PDLIM5: variants seen among roughly 807,000 people sequenced by gnomAD.
PDLIM5 encodes the protein PDZ and LIM domain 5, also known as PDZ and LIM domain protein 5.
PDLIM5 carries 34 observed loss-of-function variants against 64.2 expected under a neutral mutation model. The observed-to-expected ratio is 0.53, with a 90% CI of 0.40 to 0.71. PDLIM5 has a LOEUF of 0.71. Ranked by LOEUF, PDLIM5 falls within the 30% of genes least tolerant of loss-of-function variation. PDLIM5 has a pLI of 0.00. For synonymous variants in PDLIM5, 253 were observed against 269.1 expected (o/e 0.94, Z 0.59); for missense variants, 683 against 733.6 (o/e 0.93, Z 0.80).
At chr4:94,580,668 G>T (rs866391857) in intron 5 of PDLIM5, among the ~76,000 whole-genome samples, 1 of 152,014 alleles carries the variant, frequency 6.6e-6, no homozygotes, top group African/African-American at 2.4e-5. Flanking sequence ...TGTTCTAGGT[G>T]TTTCTAAATG....
chr4:94,540,909 G>A (rs1578337536), intron 3 of PDLIM5, among the ~76,000 whole-genome samples: 1 of 152,158 alleles, frequency 6.6e-6, no homozygotes, highest in South Asian at 2.1e-4. Context: ...CAGAGTACTC[G>A]CCTTTCAGGA....
intron 2 of PDLIM5, among the ~76,000 whole-genome samples, chr4:94,500,993 G>C (rs1727862645): frequency 6.6e-6 from 1 of 151,784 alleles, no homozygotes; most frequent in Non-Finnish European, 1.5e-5. Context: ...TGTTGGCCAG[G>C]CTGGTCTCCA....
intron 7 of PDLIM5, chr4:94,611,097 C>G (rs1454898130): frequency 1.0e-5 from 16 of 1,534,384 alleles, no homozygotes; most frequent in Middle Eastern, 1.7e-4. Flanking sequence ...ATATCACTCA[C>G]TCCTGGATGC....
intron 8 of PDLIM5, among the ~76,000 whole-genome samples, 192 bp from the exon 9 acceptor site, chr4:94,640,084 A>C (rs1210181362): frequency 6.6e-6 from 1 of 152,058 alleles, no homozygotes; most frequent in African/African-American, 2.4e-5. Flanking sequence ...CTTTGTTGGA[A>C]TCTTTGGTTT....
At chr4:94,518,862 C>T (rs530562756) in intron 2 of PDLIM5, among the ~76,000 whole-genome samples, 3 of 152,188 alleles carry the variant, frequency 2.0e-5, no homozygotes, top group South Asian at 2.1e-4. Context: ...CCTTCTATAC[C>T]GGTACTCTTC....
intron 8 of PDLIM5, among the ~76,000 whole-genome samples, chr4:94,633,691 G>A (rs1740334276): frequency 1.3e-5 from 2 of 152,136 alleles, no homozygotes; most frequent in South Asian, 4.1e-4. Context: ...ATAGAGCAAT[G>A]TACAAAATAG....
At position 94,665,741 on chromosome 4, in the gene PDLIM5, G is replaced by T. The variant is rs1280477530; in HGVS notation, c.*1674G>T. On this transcript the variant is annotated 3_prime_UTR_variant, in exon 13 of 13. Transcript: ENST00000317968. ...TAAAAGATTGGTTTGAGGATGTGAT[G>T]AAATTGAGACTTTTTGTGGTTTTCT... 2 of 1,218,380 alleles carry T rather than the reference G, an allele frequency of 1.6e-6. No homozygotes were observed. Among genetic ancestry groups the T allele is most frequent in the East Asian group, 3.5e-5 (1 of 28,534 alleles). The allele number at this position is 1,218,380 out of a possible 1,614,324, so 75.5% of individuals were successfully genotyped here. A position where few individuals can be genotyped will look rare whatever the true frequency, so the allele number is the denominator to read the frequency against.
intron 5 of PDLIM5, chr4:94,579,257 G>T: frequency 4.1e-6 from 1 of 243,216 alleles, no homozygotes; most frequent in Non-Finnish European, 8.0e-6. Context: ...GAGCCAAATG[G>T]GACTTTATAT....
chr4:94,473,708 A>T (rs1029613939), intron 2 of PDLIM5, among the ~76,000 whole-genome samples: 3 of 152,208 alleles, frequency 2.0e-5, no homozygotes, highest in African/African-American at 7.2e-5. Context: ...GTAAGCAGTA[A>T]ATATTTTCTC....
chr4:94,525,840 G>A (rs1009893498), intron 3 of PDLIM5, among the ~76,000 whole-genome samples: 2 of 152,160 alleles, frequency 1.3e-5, no homozygotes, highest in African/African-American at 2.4e-5. Flanking sequence ...ACATTTTAAT[G>A]CGTAGGAAAG....
chr4:94,651,408 A>G (rs1037490061), intron 9 of PDLIM5, among the ~76,000 whole-genome samples: 7 of 152,216 alleles, frequency 4.6e-5, no homozygotes, highest in Admixed American at 4.6e-4. Flanking sequence ...TTTTAAAGTC[A>G]TCCTTTTAAT....
At chr4:94,623,937 A>G (rs549180295) in intron 8 of PDLIM5, among the ~76,000 whole-genome samples, 2 of 152,328 alleles carry the variant, frequency 1.3e-5, no homozygotes, top group South Asian at 2.1e-4. Flanking sequence ...GCAGTACCAT[A>G]ACTAGTAATA....
intron 2 of PDLIM5, among the ~76,000 whole-genome samples, chr4:94,471,170 A>G (rs568942700): frequency 6.6e-5 from 10 of 152,336 alleles, no homozygotes; most frequent in Non-Finnish European, 1.2e-4. Context: ...CAGCCAAACC[A>G]TATCAATATT....
At chr4:94,659,056 C>A (rs1279371924) in intron 11 of PDLIM5, among the ~76,000 whole-genome samples, 1 of 152,172 alleles carries the variant, frequency 6.6e-6, no homozygotes, top group Admixed American at 6.5e-5. Context: ...ATTTTAAATA[C>A]TAAATAATTA....
chr4:94,558,741 T>TA (rs1733586086), intron 3 of PDLIM5, among the ~76,000 whole-genome samples: 2 of 152,070 alleles, frequency 1.3e-5, no homozygotes, highest in South Asian at 4.1e-4. Flanking sequence ...CTTTTTTTTT[T>TA]ATTCTAGCTG....
At chr4:94,560,455 G>T (rs542741387) in intron 3 of PDLIM5, among the ~76,000 whole-genome samples, 1 of 152,224 alleles carries the variant, frequency 6.6e-6, no homozygotes, top group East Asian at 1.9e-4. Context: ...ACATTTTCTG[G>T]AATAAGTCTG....
At chr4:94,541,704 C>G (rs1284595916) in intron 3 of PDLIM5, among the ~76,000 whole-genome samples, 3 of 152,186 alleles carry the variant, frequency 2.0e-5, no homozygotes, top group Non-Finnish European at 4.4e-5. Flanking sequence ...ATGGTGAGAA[C>G]AGAACTTCCA....
At chr4:94,638,742 G>T (rs1465186954) in intron 8 of PDLIM5, among the ~76,000 whole-genome samples, 1 of 152,046 alleles carries the variant, frequency 6.6e-6, no homozygotes, top group African/African-American at 2.4e-5. Flanking sequence ...GATTTTAATT[G>T]CCTGTGGCTA....
At chr4:94,600,396 C>T (rs1271592621) in intron 7 of PDLIM5, among the ~76,000 whole-genome samples, 2 of 152,136 alleles carry the variant, frequency 1.3e-5, no homozygotes, top group Non-Finnish European at 2.9e-5. Context: ...CTGGCTTTCT[C>T]AAGACATGTG....
Sources: gnomAD v4.1 joint callset for allele counts (sites outside exome capture counted in the v4.1 genomes callset) on GRCh38, gnomAD v4.1.1 for gene constraint, MANE v1.5 for transcripts, NCBI Gene and HGNC (gene_info 2026-07-23, HGNC 2026-07-21) for gene names.